The following PCSK5 variants were observed in gnomAD, a reference collection of about 807,000 sequenced individuals.
The protein encoded by PCSK5 is proprotein convertase subtilisin/kexin type 5.
A neutral mutation model predicts 233.2 loss-of-function variants in PCSK5; 129 were observed. The observed-to-expected ratio is 0.55, with a 90% CI of 0.48 to 0.64. PCSK5 has a LOEUF of 0.64. PCSK5 is among the 30% of genes least tolerant of loss of function. The pLI, the probability that PCSK5 is intolerant of heterozygous loss-of-function variation, is 0.00. For synonymous variants in PCSK5, 825 were observed against 879.2 expected, an observed-to-expected ratio of 0.94 and a Z score of 1.09; for missense variants, 2,076 against 2,430.1, an observed-to-expected ratio of 0.85 and a Z score of 3.06.
intron 5 of PCSK5, among the ~76,000 whole-genome samples, chr9:76,043,389 G>A (rs1349535964): frequency 1.8e-4 from 27 of 149,300 alleles, no homozygotes; most frequent in African/African-American, 6.4e-4. Context: ...ATATTAAAAG[G>A]CAGGCTTCCA....
chr9:75,935,068 T>A (rs1024173862), intron 2 of PCSK5, among the ~76,000 whole-genome samples: 2 of 152,174 alleles, frequency 1.3e-5, no homozygotes, highest in African/African-American at 4.8e-5. Flanking sequence ...CACATTTTTT[T>A]ATTTTTATTT....
chr9:75,916,207 C>CT lies in PCSK5; in HGVS notation c.193-16169dup, dbSNP rs201362101. Among the ~76,000 whole-genome samples, 133 of 152,272 alleles carry CT rather than the reference C, an allele frequency of 8.7e-4. 5 individuals carry two copies. The East Asian group carries it at 0.024, about 27-fold the overall frequency. ...ATATGACTCCAAGAACGAATATGTA[C>CT]TTTAGCATTTAGCCTATTTAGGTTT... is the stretch of plus-strand genomic sequence containing the variant. On this transcript the variant is annotated intron_variant, in intron 1 of 37. Coordinates refer to ENST00000674117, the MANE Select transcript of PCSK5 (RefSeq NM_001372043.1).
At chr9:76,210,151 C>T (rs368224097) in intron 20 of PCSK5, among the ~76,000 whole-genome samples, 73 of 152,134 alleles carry the variant, frequency 4.8e-4, no homozygotes, top group African/African-American at 7.2e-4. Context: ...TCAAAGAAAA[C>T]GCCAGTGGTG....
chr9:76,179,242 C>A (rs373075345), intron 14 of PCSK5, among the ~76,000 whole-genome samples: 1 of 152,110 alleles, frequency 6.6e-6, no homozygotes, highest in East Asian at 1.9e-4. Context: ...CAAATCCAAT[C>A]TTTTTACTAT....
At chr9:76,330,137 A>G (rs72743131) in intron 33 of PCSK5, among the ~76,000 whole-genome samples, 19,125 of 152,150 alleles carry the variant, frequency 0.13, 1,341 homozygotes, top group African/African-American at 0.17. Context: ...TCAGCTCCTC[A>G]TCAAAATTTC....
At chr9:76,339,103 T>C (rs866428836) in intron 35 of PCSK5, among the ~76,000 whole-genome samples, 1 of 151,854 alleles carries the variant, frequency 6.6e-6, no homozygotes, top group Non-Finnish European at 1.5e-5. Context: ...CTCTCAATCT[T>C]GCCCCCACAC....
At chr9:76,254,014 GCT>G (rs1383371820) in intron 24 of PCSK5, among the ~76,000 whole-genome samples, 1 of 152,110 alleles carries the variant, frequency 6.6e-6, no homozygotes, top group African/African-American at 2.4e-5. Flanking sequence ...TGAGAACTCT[GCT>G]CTGTGTGATC....
chr9:75,902,862 A>T (rs987671575), intron 1 of PCSK5, among the ~76,000 whole-genome samples: 4 of 152,224 alleles, frequency 2.6e-5, no homozygotes, highest in African/African-American at 9.6e-5. Context: ...AGACACATGG[A>T]TGATTGCTTT....
intron 7 of PCSK5, among the ~76,000 whole-genome samples, chr9:76,085,672 A>C (rs1459722532): frequency 6.6e-6 from 1 of 152,206 alleles, no homozygotes; most frequent in African/African-American, 2.4e-5. Flanking sequence ...GAGAGGGCTG[A>C]TCTTCTCTAT....
chr9:76,040,381 C>CAACAGG (rs1829059886), intron 5 of PCSK5, among the ~76,000 whole-genome samples: 1 of 59,528 alleles, frequency 1.7e-5, no homozygotes, highest in Admixed American at 1.8e-4. Context: ...CTCTCTCTCT[C>CAACAGG]TCTGTCTCTC....
intron 1 of PCSK5, among the ~76,000 whole-genome samples, chr9:75,902,748 C>A (rs1293465375): frequency 6.6e-6 from 1 of 152,134 alleles, no homozygotes; most frequent in East Asian, 1.9e-4. Context: ...AAGCTTACCC[C>A]GTATTTCATT....
At position 75,916,628 on chromosome 9, in the gene PCSK5, G is replaced by A. The variant is rs76932527; in HGVS notation, c.193-15751G>A. 7.2e-5 allele frequency among the ~76,000 whole-genome samples: 11 copies of A among 152,220 alleles called. No individual in the cohort carries two copies. In the East Asian group the frequency reaches 2.1e-3, roughly 29 times the overall value. On this transcript the variant is annotated intron_variant, in intron 1 of 37. Coordinates refer to ENST00000674117, the MANE Select transcript of PCSK5 (RefSeq NM_001372043.1). ...GAAAAAAAGAGAATTCCAGGCAGAT[G>A]GGGCAGCAAGTGCGAGGGTTCTGAG...
intron 35 of PCSK5, among the ~76,000 whole-genome samples, chr9:76,340,212 C>T (rs1829790314): frequency 6.6e-6 from 1 of 152,180 alleles, no homozygotes; most frequent in Non-Finnish European, 1.5e-5. Context: ...AAGGATTATA[C>T]TACATTCATT....
chr9:76,053,705 C>A (rs147544895), intron 5 of PCSK5, among the ~76,000 whole-genome samples: 3 of 152,286 alleles, frequency 2.0e-5, no homozygotes, highest in East Asian at 3.9e-4. Context: ...TTGTTCATAT[C>A]ACTATGAGCA....
At chr9:76,276,226 T>C (rs1827684446) in intron 24 of PCSK5, among the ~76,000 whole-genome samples, 1 of 151,888 alleles carries the variant, frequency 6.6e-6, no homozygotes, top group Non-Finnish European at 1.5e-5. Flanking sequence ...AATATATAAA[T>C]AAATAAAAAA....
chr9:75,966,256 A>G lies in PCSK5; in HGVS notation c.298-19876A>G, dbSNP rs77803888. Among the ~76,000 whole-genome samples, 213 of 152,348 alleles carry G rather than the reference A, an allele frequency of 1.4e-3. 1 individual carries two copies. The highest frequency in any genetic ancestry group is 4.2e-3 in the African/African-American group (174 of 41,584). On this transcript the variant is annotated intron_variant, in intron 2 of 37. Transcript: ENST00000674117. ...AAAGGAACAATCTCTTCAGAAGTCA[A>G]TCTTGACAGATTGTGTATTGGTGGG...
At chr9:75,944,538 T>C (rs1390451050) in intron 2 of PCSK5, among the ~76,000 whole-genome samples, 1 of 152,148 alleles carries the variant, frequency 6.6e-6, no homozygotes, top group Non-Finnish European at 1.5e-5. Flanking sequence ...TGCTCCTTCT[T>C]GAAAAAGTTG....
intron 5 of PCSK5, among the ~76,000 whole-genome samples, chr9:76,067,302 G>C (rs924679910): frequency 3.8e-4 from 57 of 151,714 alleles, no homozygotes; most frequent in Admixed American, 1.2e-3. Context: ...AAAGTAAAAA[G>C]GTAAAAACAA....
chr9:75,897,537 A>G (rs932180039), intron 1 of PCSK5, among the ~76,000 whole-genome samples: 2 of 129,496 alleles, frequency 1.5e-5, no homozygotes, highest in Non-Finnish European at 3.1e-5. Context: ...TTTTTGGCCC[A>G]GGCTGGAGTG....
Sources: allele counts gnomAD v4.1 joint callset (sites outside exome capture counted in the v4.1 genomes callset), GRCh38; gene constraint gnomAD v4.1.1; transcripts MANE v1.5; gene names NCBI Gene and HGNC (gene_info 2026-07-23, HGNC 2026-07-21).